The following ZNF704 variants were observed in gnomAD, a reference collection of about 807,000 sequenced individuals.
The protein encoded by ZNF704 is zinc finger protein 704.
A neutral mutation model predicts 44.7 loss-of-function variants in ZNF704; 10 were observed. That is an observed-to-expected ratio of 0.22 (90% CI 0.14 to 0.38). The LOEUF (loss-of-function observed/expected upper bound fraction) is 0.38. Ranked by LOEUF, ZNF704 falls within the 10% of genes least tolerant of loss-of-function variation. The pLI is 1.00. For missense variants in ZNF704, 390 were observed against 545.5 expected (o/e 0.71, Z 2.84); for synonymous variants, 211 against 207.6 (o/e 1.02, Z -0.14).
At position 80,818,333 on chromosome 8, in the gene ZNF704, A is replaced by T. The variant is rs562239168; in HGVS notation, c.221+3041T>A. Among the ~76,000 whole-genome samples, 23 of 152,034 alleles carry T rather than the reference A, an allele frequency of 1.5e-4. No individual in the cohort carries two copies. In the South Asian group the frequency reaches 2.1e-3, roughly 14 times the overall value. On this transcript the variant is annotated intron_variant, in intron 2 of 8. Coordinates refer to ENST00000327835, the MANE Select transcript of ZNF704 (RefSeq NM_001033723.3). ...TTTTTGGCCAAAATATCATATATAT[A>T]TTTTTAAACATTTATTATATATTTT...
At chr8:80,786,658 A>G (rs1287914924) in intron 2 of ZNF704, among the ~76,000 whole-genome samples, 1 of 152,200 alleles carries the variant, frequency 6.6e-6, no homozygotes, top group Admixed American at 6.5e-5. Flanking sequence ...TCATAAAGAG[A>G]AATGTGCTGG....
chr8:80,805,333 T>C (rs1807972130), intron 2 of ZNF704, among the ~76,000 whole-genome samples: 1 of 152,190 alleles, frequency 6.6e-6, no homozygotes, highest in South Asian at 2.1e-4. Flanking sequence ...AGATACTGCA[T>C]CATATTCCCA....
chr8:80,882,930 C>T, the ZNF704 span, among the ~76,000 whole-genome samples: 8 of 151,840 alleles, frequency 5.3e-5, no homozygotes, highest in Admixed American at 3.9e-4. Context: ...ATCCTTCATC[C>T]TAATAGAAAT....
intron 6 of ZNF704, among the ~76,000 whole-genome samples, chr8:80,661,890 G>C (rs1818107662): frequency 6.6e-6 from 1 of 152,106 alleles, no homozygotes; most frequent in Non-Finnish European, 1.5e-5. Context: ...GAGTAGGATG[G>C]CTATAGCTAA....
At chr8:80,704,134 G>C (rs1177709984) in intron 2 of ZNF704, among the ~76,000 whole-genome samples, 6 of 152,110 alleles carry the variant, frequency 3.9e-5, no homozygotes, top group Non-Finnish European at 7.4e-5. Context: ...TAGAATGTCA[G>C]CAATAACATT....
chr8:80,857,738 T>C (rs1349688588), intron 1 of ZNF704, among the ~76,000 whole-genome samples: 2 of 152,238 alleles, frequency 1.3e-5, no homozygotes, highest in Admixed American at 6.5e-5. Flanking sequence ...ATAAAATTTA[T>C]TGGAAGGATA....
chr8:80,833,304 T>G (rs1808500356), intron 1 of ZNF704, among the ~76,000 whole-genome samples: 1 of 152,058 alleles, frequency 6.6e-6, no homozygotes, highest in African/African-American at 2.4e-5. Flanking sequence ...AAGCCAAGAT[T>G]GTGCCACTGC....
chr8:80,794,584 T>C (rs529875806), intron 2 of ZNF704, among the ~76,000 whole-genome samples: 3 of 152,284 alleles, frequency 2.0e-5, no homozygotes, highest in African/African-American at 7.2e-5. Flanking sequence ...TTCCAATATG[T>C]CTAACTTATT....
intron 2 of ZNF704, among the ~76,000 whole-genome samples, chr8:80,737,287 AAGCGATG>A (rs1806683646): frequency 6.6e-6 from 1 of 152,216 alleles, no homozygotes; most frequent in East Asian, 1.9e-4. Context: ...AGTTTTAGGC[AAGCGATG>A]AGCCAGGACT....
intron 2 of ZNF704, among the ~76,000 whole-genome samples, chr8:80,771,516 C>T (rs1807319682): frequency 6.6e-6 from 1 of 152,088 alleles, no homozygotes; most frequent in Non-Finnish European, 1.5e-5. Context: ...TGCTAATATA[C>T]AGAAATGCAA....
chr8:80,797,468 A>G (rs1428081434), intron 2 of ZNF704, among the ~76,000 whole-genome samples: 1 of 152,086 alleles, frequency 6.6e-6, no homozygotes, highest in Non-Finnish European at 1.5e-5. Context: ...TATCTCTTGC[A>G]TTCTGTGGGC....
chr8:80,702,059 G>A (rs56336008), intron 2 of ZNF704, among the ~76,000 whole-genome samples: 15,713 of 152,252 alleles, frequency 0.1, 1,167 homozygotes, highest in Non-Finnish European at 0.15. Flanking sequence ...GAAGATACAG[G>A]AGAGAAGGGA....
chr8:80,777,365 T>C (rs1372659080), intron 2 of ZNF704, among the ~76,000 whole-genome samples: 1 of 152,212 alleles, frequency 6.6e-6, no homozygotes, highest in African/African-American at 2.4e-5. Context: ...CCTTCAGTAC[T>C]ATTTTTAAAG....
chr8:80,687,245 G>C lies in ZNF704; in HGVS notation c.539C>G (p.Pro180Arg). 1 of 1,612,324 alleles carries C rather than the reference G, an allele frequency of 6.2e-7. No individual in the cohort carries two copies. The highest frequency in any genetic ancestry group is 8.5e-7 in the Non-Finnish European group (1 of 1,179,262). The change falls in exon 4 of 9, where the codon CCC (proline) becomes CGC (arginine). Residue 180 changes from proline to arginine, a missense_variant. Physicochemically the swap from Pro to Arg is moderately radical, Grantham distance 103 (BLOSUM62 -2). Around this residue, in one of 3 missense-constraint regions of ZNF704, gnomAD observed 305 missense variants for 435.7 expected, o/e 0.70. Transcript: ENST00000327835. ...ACCAACCTTTCTTTTCCTGGGAATG[G>C]GCTCGTCGAAGAGCAGGTTGCTGGC... Reference protein sequence around the residue: ...AEASNLLFDEPIPRKRKNSMK... With the variant: ...AEASNLLFDERIPRKRKNSMK...
At chr8:80,709,098 A>T (rs886276624) in intron 2 of ZNF704, among the ~76,000 whole-genome samples, 2 of 152,198 alleles carry the variant, frequency 1.3e-5, no homozygotes, top group Non-Finnish European at 2.9e-5. Flanking sequence ...ATGAAGGTTC[A>T]TCTACCATAG....
chr8:80,712,253 G>C (rs78146309), intron 2 of ZNF704, among the ~76,000 whole-genome samples: 3,416 of 152,226 alleles, frequency 0.022, 127 homozygotes, highest in African/African-American at 0.078. Flanking sequence ...GGCACTTTAT[G>C]ACACAGCAAC....
intron 2 of ZNF704, among the ~76,000 whole-genome samples, chr8:80,777,259 G>GTATC (rs2129687205): frequency 6.6e-6 from 1 of 152,076 alleles, no homozygotes; most frequent in African/African-American, 2.4e-5. Context: ...ATTTAGCCTT[G>GTATC]TATCATTACT....
chr8:80,813,032 C>T (rs184179249), intron 2 of ZNF704, among the ~76,000 whole-genome samples: 77 of 152,308 alleles, frequency 5.1e-4, no homozygotes, highest in Non-Finnish European at 2.9e-5. Context: ...GCAGAGGCAA[C>T]CTACGGCACG....
intron 2 of ZNF704, among the ~76,000 whole-genome samples, chr8:80,805,944 C>T (rs1807983162): frequency 6.6e-6 from 1 of 152,206 alleles, no homozygotes; most frequent in African/African-American, 2.4e-5. Flanking sequence ...CCTTTGCCAT[C>T]ATCAGTGTCT....
Sources: gnomAD v4.1 joint callset for allele counts (sites outside exome capture counted in the v4.1 genomes callset) on GRCh38, gnomAD v4.1.1 for gene constraint, gnomAD v4.1.1 regional missense constraint, MANE v1.5 for transcripts, NCBI Gene and HGNC (gene_info 2026-07-23, HGNC 2026-07-21) for gene names.